Variants in LRRC9 observed in about 807,000 individuals in gnomAD.
LRRC9 encodes leucine-rich repeat-containing protein 9.
Under a neutral mutation model 63.2 loss-of-function variants are expected in LRRC9, and 122 were observed. The observed-to-expected ratio is 1.93, with a 90% CI of 1.67 to 2.24. LRRC9 has a LOEUF of 2.24. LRRC9 is among the 30% of genes most tolerant of loss of function. The probability of loss-of-function intolerance (pLI) is 0.00; values close to 1 mark genes in which losing one functional copy is unlikely to be tolerated. For synonymous variants in LRRC9, 366 were observed against 213.1 expected (o/e 1.72, Z -6.25); for missense variants, 1,071 against 627.7 (o/e 1.71, Z -7.55).
intron 23 of LRRC9, among the ~76,000 whole-genome samples, chr14:60,013,548 C>A (rs1890428892): frequency 6.6e-6 from 1 of 152,020 alleles, no homozygotes; most frequent in South Asian, 2.1e-4. Context: ...ACATCATTGG[C>A]TAAAATAACT....
chr14:60,041,939 CCTTT>C (rs1220549454), intron 29 of LRRC9, among the ~76,000 whole-genome samples: 11 of 152,234 alleles, frequency 7.2e-5, no homozygotes, highest in South Asian at 2.1e-4. Context: ...GTATGGATGT[CCTTT>C]CTGTTTGTTA....
Position 59,938,711 on chromosome 14 carries a change from A to ATATT in LRRC9, c.726+140_726+143dup, listed in dbSNP as rs1340151539. 1 of 428,908 alleles carries ATATT rather than the reference A, an allele frequency of 2.3e-6. No individual in the cohort carries two copies. 26.6% of individuals were successfully genotyped at this position (428,908 alleles called of 1,614,324 possible). On this transcript the variant is annotated intron_variant, in intron 7 of 31. Transcript: ENST00000445360. The surrounding 1 kb of genome is among the most constrained non-coding windows in gnomAD (Gnocchi z 4.2). ...GTCTGCTTTTGCCCTAGTGAACTGG[A>ATATT]TATTACACATAAAAGTATATAAATA...
rs183862335 is a variant in LRRC9, at chr14:60,027,956, G to T, written c.3776G>T (p.Arg1259Leu). The change falls in exon 28 of 32, where the codon CGC (arginine) becomes CTC (leucine). Residue 1259 changes from arginine to leucine, a missense_variant. Physicochemically the swap from Arg to Leu is moderately radical, Grantham distance 102. Coordinates refer to ENST00000445360, the Ensembl canonical transcript of LRRC9. This position sits in a 1 kb window ranked among gnomAD's most constrained non-coding sequence, Gnocchi z 4.0. ...CAAGAATTGGTAGTGGACCATAACC[G>T]CATCCGATCATTTAATGACAGTGCT... is the stretch of plus-strand genomic sequence containing the variant. The T allele has an allele frequency of 2.9e-6, 2 of 701,646 alleles. No homozygotes were observed. Among genetic ancestry groups the T allele is most frequent in the East Asian group, 5.4e-5 (2 of 37,256 alleles). The allele number at this position is 701,646 out of a possible 1,614,324, so 43.5% of individuals were successfully genotyped here.
chr14:60,024,099 T>G (rs993369421), intron 27 of LRRC9, among the ~76,000 whole-genome samples: 2 of 152,158 alleles, frequency 1.3e-5, no homozygotes, highest in East Asian at 3.9e-4. Context: ...AGTGCTGCAA[T>G]AAACATATGT....
At chr14:60,052,411 G>A (rs1893964836) in intron 29 of LRRC9, among the ~76,000 whole-genome samples, 1 of 151,862 alleles carries the variant, frequency 6.6e-6, no homozygotes, top group Admixed American at 6.6e-5. Flanking sequence ...TTTTTTTGGG[G>A]GATGGTTACA....
At chr14:60,059,038 A>G (rs1278634214) in intron 31 of LRRC9, 1 of 152,156 alleles carries the variant, frequency 6.6e-6, no homozygotes. Flanking sequence ...GAATATCATT[A>G]TCTTTTTATA....
chr14:59,926,320 T>G (rs528018395), intron 1 of LRRC9, among the ~76,000 whole-genome samples: 1 of 152,272 alleles, frequency 6.6e-6, no homozygotes, highest in South Asian at 2.1e-4. Flanking sequence ...TCTAGTGAGA[T>G]TTGGGGAGGG....
intron 13 of LRRC9, 142 bp from the exon 14 acceptor site, chr14:59,977,083 G>A (rs1018690440): frequency 1.1e-5 from 6 of 541,692 alleles, no homozygotes; most frequent in African/African-American, 5.7e-5. Context: ...TGTGTTATGC[G>A]CTGTACAGTA....
chr14:59,933,982 C>T (rs1289496595), intron 6 of LRRC9, among the ~76,000 whole-genome samples: 1 of 151,872 alleles, frequency 6.6e-6, no homozygotes, highest in African/African-American at 2.4e-5. Context: ...AATTTTTGAG[C>T]AAGAAAGTGA....
intron 8 of LRRC9, among the ~76,000 whole-genome samples, chr14:59,951,798 C>A (rs1355350729): frequency 1.3e-5 from 2 of 152,178 alleles, no homozygotes; most frequent in Non-Finnish European, 2.9e-5. Flanking sequence ...GTAGGCCTCC[C>A]AGTTAGGCTG....
chr14:59,987,640 G>C (rs774012965), intron 17 of LRRC9, among the ~76,000 whole-genome samples: 1 of 151,856 alleles, frequency 6.6e-6, no homozygotes, highest in Non-Finnish European at 1.5e-5. Context: ...TGGATCCACA[G>C]ATAGGATCAG....
At chr14:60,057,653 G>GA (rs34584505) in intron 30 of LRRC9, 146,156 of 222,768 alleles carry the variant, frequency 0.66, 43,998 homozygotes, top group Admixed American at 0.75. Flanking sequence ...AATGCAGTCT[G>GA]AAAAAAAAAA....
rs1595137448 is a variant in LRRC9, at chr14:60,062,194, T to C, written c.4277-1129T>C. 4 of 398,672 alleles carry C rather than the reference T, an allele frequency of 1.0e-5. No individual in the cohort carries two copies. In the East Asian group the frequency reaches 1.4e-4, roughly 14 times the overall value. The allele number at this position is 398,672 out of a possible 1,614,324, so 24.7% of individuals were successfully genotyped here. ...GATAAGAGAAGGTAAAGCTATTTTCTCTGTGTTTTAATATCATTTCTCATC... is the reference window on the plus strand; with the variant it reads ...GATAAGAGAAGGTAAAGCTATTTTCCCTGTGTTTTAATATCATTTCTCATC... On this transcript the variant is annotated intron_variant, in intron 31 of 31. Coordinates refer to ENST00000445360, the Ensembl canonical transcript of LRRC9.
rs1894443078 is a variant in LRRC9 at position 60,058,578 on chromosome 14, C to T, written c.4276+556C>T. Among the ~76,000 whole-genome samples the T allele has an allele frequency of 6.6e-6, 1 of 152,136 alleles. No homozygotes were observed. The highest frequency in any genetic ancestry group is 2.4e-5 in the African/African-American group (1 of 41,422). On this transcript the variant is annotated intron_variant, in intron 31 of 31. Transcript: ENST00000445360. The surrounding 1 kb of genome is among the most constrained non-coding windows in gnomAD (Gnocchi z 4.4). Reference sequence around the variant, plus strand: ...AGAACAAGCATGGAAGTGGTTTATTCTGCTATATAAATTTTAGTTCAAGTT... The same window carrying T: ...AGAACAAGCATGGAAGTGGTTTATTTTGCTATATAAATTTTAGTTCAAGTT...
intron 27 of LRRC9, among the ~76,000 whole-genome samples, chr14:60,023,992 T>C (rs1455417468): frequency 6.6e-6 from 1 of 152,192 alleles, no homozygotes; most frequent in African/African-American, 2.4e-5. Context: ...TTTTTATGGC[T>C]GCATAGTATT....
Position 60,057,164 on chromosome 14 carries a change from A to G in LRRC9, c.4132-714A>G, listed in dbSNP as rs74414216. ...CCTCCATCTCTAAATAAGCTGAATC[A>G]TATGTTCAGAATTCACACATATAAA... On this transcript the variant is annotated intron_variant, in intron 30 of 31. Transcript: ENST00000445360. 3.4e-3 allele frequency among the ~76,000 whole-genome samples: 513 copies of G among 152,284 alleles called. 17 individuals are homozygous for G. In the East Asian group the frequency reaches 0.057, roughly 17 times the overall value.
Position 60,041,591 on chromosome 14 carries a change from A to G in LRRC9, c.3990+9528A>G, listed in dbSNP as rs890468010. 3.3e-5 allele frequency among the ~76,000 whole-genome samples: 5 copies of G among 152,342 alleles called. No individual in the cohort carries two copies. In the South Asian group the frequency reaches 1.0e-3, roughly 32 times the overall value. On this transcript the variant is annotated intron_variant, in intron 29 of 31. Coordinates refer to ENST00000445360, the Ensembl canonical transcript of LRRC9. The stretch of plus-strand genomic sequence containing the variant: ...TTCTCCTGCCATGGTTTTCAGCTCC[A>G]TCAGGTCATTTAAGGACTTCTCTAT...
rs1377320432 is a variant in LRRC9, at chr14:59,932,026, T to G, written c.530T>G (p.Ile177Arg). The change falls in exon 6 of 32, where the codon ATA becomes AGA. Residue 177 changes from isoleucine to arginine, a missense_variant. Transcript: ENST00000445360. This position sits in a 1 kb window ranked among gnomAD's most constrained non-coding sequence, Gnocchi z 4.7. Reference sequence around the variant, plus strand: ...AGATTAAACCTTTCTGGTAACCAAATATGTTCTTTCAAGGTATGTTTAAGT... The same window carrying G: ...AGATTAAACCTTTCTGGTAACCAAAGATGTTCTTTCAAGGTATGTTTAAGT... The G allele has an allele frequency of 1.4e-6, 1 of 700,122 alleles. No individual in the cohort carries two copies. The highest frequency in any genetic ancestry group is 2.0e-5 in the Admixed American group (1 of 49,724). The allele number at this position is 700,122 out of a possible 1,614,324, so 43.4% of individuals were successfully genotyped here.
intron 4 of LRRC9, among the ~76,000 whole-genome samples, 163 bp downstream of exon 4, chr14:59,931,221 A>T (rs1889677033): frequency 2.6e-5 from 4 of 152,114 alleles, no homozygotes; most frequent in Admixed American, 2.6e-4. Flanking sequence ...TTTATAAGGT[A>T]CAGAGGGCAT....
Sources: gnomAD v4.1 joint callset for allele counts (sites outside exome capture counted in the v4.1 genomes callset) on GRCh38, gnomAD v4.1.1 for gene constraint, Gnocchi (gnomAD v3.1) non-coding constraint, MANE v1.5 for transcripts, NCBI Gene and HGNC (gene_info 2026-07-23, HGNC 2026-07-21) for gene names.